The following CDC42BPG variants were observed in gnomAD, a reference collection of about 807,000 sequenced individuals.
CDC42BPG encodes serine/threonine-protein kinase MRCK gamma.
CDC42BPG carries 157 observed loss-of-function variants against 192.2 expected under a neutral mutation model. The observed-to-expected ratio is 0.82, with a 90% CI of 0.72 to 0.93. The LOEUF (loss-of-function observed/expected upper bound fraction) is 0.93. Ranked by LOEUF, CDC42BPG falls within the 40% of genes least tolerant of loss-of-function variation. The pLI is 0.00. For missense variants in CDC42BPG, 1,992 were observed against 2,122.1 expected, an observed-to-expected ratio of 0.94 and a Z score of 1.20; for synonymous variants, 981 against 918.5, an observed-to-expected ratio of 1.07 and a Z score of -1.23.
At position 64,834,885 on chromosome 11, in the gene CDC42BPG, C is replaced by T. The variant is rs1565684764; in HGVS notation, c.2139G>A (p.Arg713=). The T allele has an allele frequency of 1.9e-6, 3 of 1,614,052 alleles. No individual in the cohort carries two copies. The highest frequency in any genetic ancestry group is 2.5e-6 in the Non-Finnish European group (3 of 1,180,008). The change falls in exon 18 of 37, where the codon AGG becomes AGA. Residue 713 remains arginine (R), a synonymous_variant. Coordinates refer to ENST00000342711, the MANE Select transcript of CDC42BPG (RefSeq NM_017525.3). ...TKMAEELESL[R]NVGTQTLPAR... ...CAGGGAGCGTCTGGGTGCCTACGTT[C>T]CTCAAGGACTCCAGCTCCTCTGCCA...
At chr11:64,837,098 C>T in intron 9 of CDC42BPG, 79 bp from the exon 10 acceptor site, 1 of 1,244,828 alleles carries the variant, frequency 8.0e-7, no homozygotes, top group Non-Finnish European at 1.2e-6. Context: ...GACCGAATCA[C>T]TCATTAATTG....
In CDC42BPG at chr11:64,827,260, C is replaced by G; in HGVS notation, c.4271+18G>C. On this transcript the variant is annotated intron_variant, in intron 33 of 36. Transcript: ENST00000342711. ...GGCGGCCCCACCCAGCCTCAGCCCCCGCGTCGTGCACGCGCACCTGCGCTG... is the reference window on the plus strand; with the variant it reads ...GGCGGCCCCACCCAGCCTCAGCCCCGGCGTCGTGCACGCGCACCTGCGCTG... 2 of 1,613,328 alleles carry G rather than the reference C, an allele frequency of 1.2e-6. No individual in the cohort carries two copies. Among genetic ancestry groups the G allele is most frequent in the Non-Finnish European group, 1.7e-6 (2 of 1,179,706 alleles).
At chr11:64,826,849 G>A (rs547633009) in intron 34 of CDC42BPG, 55 bp from the exon 35 acceptor site, 116 of 1,460,554 alleles carry the variant, frequency 7.9e-5, no homozygotes, top group South Asian at 5.4e-4. Context: ...GAGGACAAGA[G>A]GCCCAAGGCA....
At chr11:64,843,212 A>G (rs35654492) in intron 1 of CDC42BPG, among the ~76,000 whole-genome samples, 39,126 of 151,822 alleles carry the variant, frequency 0.26, 5,387 homozygotes, top group East Asian at 0.52. Flanking sequence ...AATGAGTCAC[A>G]GCCCTTTGAG....
At chr11:64,827,954 C>G (rs1942512564) in intron 30 of CDC42BPG, among the ~76,000 whole-genome samples, 171 bp from the exon 31 acceptor site, 1 of 152,218 alleles carries the variant, frequency 6.6e-6, no homozygotes, top group South Asian at 2.1e-4. Context: ...CCCTGGACCA[C>G]TCACCACATG....
At position 64,836,719 on chromosome 11, in the gene CDC42BPG, G is replaced by GGGGGGGGGGGGGGAA. The variant is rs1943025878; in HGVS notation, c.1384+19_1384+20insTTCCCCCCCCCCCCC. On this transcript the variant is annotated intron_variant, in intron 11 of 36. Transcript: ENST00000342711. ...GGGACTCAGCCCTGGGGGGGGGGGG[G>GGGGGGGGGGGGGGAA]GGGTGGGCGGAAGGGATACCTGGCA... 8.3e-6 allele frequency: 7 copies of GGGGGGGGGGGGGGAA among 842,176 alleles called. No homozygotes were observed. Among genetic ancestry groups the GGGGGGGGGGGGGGAA allele is most frequent in the African/African-American group, 2.0e-5 (1 of 50,218 alleles). The allele number at this position is 842,176 out of a possible 1,614,324, so 52.2% of individuals were successfully genotyped here.
rs777122840 is a variant in CDC42BPG, at chr11:64,840,217, G to A, written c.484C>T (p.Arg162Cys). The A allele has an allele frequency of 3.1e-6, 5 of 1,613,022 alleles. No homozygotes were observed. The highest frequency in any genetic ancestry group is 3.3e-4 in the Middle Eastern group (2 of 6,084). Residue 162 changes from arginine to cysteine, a missense_variant, in exon 5 of 37, where the codon CGC becomes TGC. Transcript: ENST00000342711. Reference sequence around the variant, plus strand: ...TCGGGCGGGAGACGGTCCTCGAAGCGGCTCAGCAGCGTCAGGAGGTCCCCA... The same window carrying A: ...TCGGGCGGGAGACGGTCCTCGAAGCAGCTCAGCAGCGTCAGGAGGTCCCCA... ...AGGDLLTLLS[R>C]FEDRLPPELA...
intron 2 of CDC42BPG, 21 bp from the exon 3 acceptor site, chr11:64,841,754 G>C (rs375058580): frequency 9.3e-6 from 15 of 1,613,486 alleles, no homozygotes; most frequent in Non-Finnish European, 1.3e-5. Flanking sequence ...AGGGAGGACC[G>C]GGGTGAGCCC....
Position 64,841,674 on chromosome 11 carries a change from C to T in CDC42BPG, c.312G>A (p.Lys104=), listed in dbSNP as rs768381781. ...CCTCAGCCCTCTTCAGCATCTCCCA[C>T]TTGTGCAGCATTTTCATGGCAAAAA... ...GQIFAMKMLH[K]WEMLKRAETA... Residue 104 remains lysine, a synonymous_variant, in exon 3 of 37, where the codon AAG becomes AAA. Coordinates refer to ENST00000342711, the MANE Select transcript of CDC42BPG (RefSeq NM_017525.3). 7.4e-6 allele frequency: 12 copies of T among 1,613,634 alleles called. No individual in the cohort carries two copies. Among genetic ancestry groups the T allele is most frequent in the Middle Eastern group, 1.6e-4 (1 of 6,082 alleles).
intron 27 of CDC42BPG, 109 bp downstream of exon 27, chr11:64,832,319 G>A: frequency 8.9e-7 from 1 of 1,119,168 alleles, no homozygotes; most frequent in Non-Finnish European, 1.3e-6. Context: ...AGCGTGCTGT[G>A]GTTGTGGGCT....
chr11:64,832,793 T>G (rs767860408), intron 25 of CDC42BPG, 33 bp downstream of exon 25: 2 of 1,592,318 alleles, frequency 1.3e-6, no homozygotes, highest in African/African-American at 1.3e-5. Flanking sequence ...CAGCCCCCCA[T>G]GCCCATCTTC....
chr11:64,828,136 T>C (rs1455400581), intron 30 of CDC42BPG, among the ~76,000 whole-genome samples: 4 of 152,166 alleles, frequency 2.6e-5, no homozygotes, highest in African/African-American at 2.4e-5. Context: ...GATTTGGCCC[T>C]GGGCAGCTTG....
chr11:64,828,914 G>T (rs534792343), intron 30 of CDC42BPG, among the ~76,000 whole-genome samples: 4 of 152,256 alleles, frequency 2.6e-5, no homozygotes, highest in African/African-American at 9.6e-5. Flanking sequence ...GCTGGGTGTG[G>T]TGGCGTGCAC....
At position 64,829,856 on chromosome 11, in the gene CDC42BPG, C is replaced by G. The variant is rs1180260856; in HGVS notation, c.3582G>C (p.Val1194=). The G allele has an allele frequency of 6.2e-7, 1 of 1,607,854 alleles. No homozygotes were observed. Among genetic ancestry groups the G allele is most frequent in the Non-Finnish European group, 8.5e-7 (1 of 1,178,232 alleles). The change falls in exon 30 of 37, where the codon GTG becomes GTC. Residue 1194 remains valine, a synonymous_variant. Coordinates refer to ENST00000342711, the MANE Select transcript of CDC42BPG (RefSeq NM_017525.3). ...AGSILQARTP[V]LCVAVKRQVL... is the part of the protein sequence containing the mutation. ...CCTGGCGCTTGACGGCTACACAGAG[C>G]ACCGGGGTGCGGGCCTGCAGGATGC... is the stretch of plus-strand genomic sequence containing the variant.
At chr11:64,827,884 G>T in intron 30 of CDC42BPG, 101 bp from the exon 31 acceptor site, 1 of 1,013,020 alleles carries the variant, frequency 9.9e-7, no homozygotes, top group Non-Finnish European at 1.4e-6. Context: ...CCCACGCTAA[G>T]GTCCTTCCTC....
chr11:64,829,756 C>A lies in CDC42BPG; in HGVS notation c.3682G>T (p.Val1228Leu). 6.2e-7 allele frequency: 1 copy of A among 1,603,134 alleles called. No homozygotes were observed. Among genetic ancestry groups the A allele is most frequent in the Non-Finnish European group, 8.5e-7 (1 of 1,176,158 alleles). The change falls in exon 30 of 37, where the codon GTG becomes TTG. Residue 1228 changes from valine to leucine, a missense_variant. By Grantham distance (32) the Val-to-Leu change is conservative. Around this residue, in one of 2 missense-constraint regions of CDC42BPG, gnomAD observed 1,656 missense variants for 1,844.3 expected, o/e 0.90. Transcript: ENST00000342711. ...TCGCCCAGCAGCCCCAGGCTCTGCA[C>A]AGTGGCAGGTGCCTGCAGCTCACGG... is the stretch of plus-strand genomic sequence containing the variant. ...RIRELQAPATVQSLGLLGDRL... is the reference protein window; with the variant it reads ...RIRELQAPATLQSLGLLGDRL...
At position 64,824,428 on chromosome 11, in the gene CDC42BPG, C is replaced by T; in HGVS notation, c.*45G>A. 7.7e-7 allele frequency: 1 copy of T among 1,300,068 alleles called. No homozygotes were observed. Among genetic ancestry groups the T allele is most frequent in the Non-Finnish European group, 1.1e-6 (1 of 891,698 alleles). The allele number at this position is 1,300,068 out of a possible 1,614,324, so 80.5% of individuals were successfully genotyped here. The stretch of plus-strand genomic sequence containing the variant: ...GCATTCCTCAAGCTCTTTGCTCCCT[C>T]ATGTCCTTCTGCCCTGGGATTGGGG... On this transcript the variant is annotated 3_prime_UTR_variant, in exon 37 of 37. Coordinates refer to ENST00000342711, the MANE Select transcript of CDC42BPG (RefSeq NM_017525.3).
Position 64,832,464 on chromosome 11 carries a change from G to T in CDC42BPG, c.3051C>A (p.Ile1017=), listed in dbSNP as rs762505713. 3 of 1,614,006 alleles carry T rather than the reference G, an allele frequency of 1.9e-6. No individual in the cohort carries two copies. The Admixed American group carries it at 5.0e-5, about 27-fold the overall frequency. Residue 1017 remains isoleucine (I), a synonymous_variant, in exon 27 of 37, where the codon ATC becomes ATA. Transcript: ENST00000342711. ...GTGGCAGGTCCCTGGATTGGGCATGGATAACATCAGAGGCCAGGACAGGGG... is the reference window on the plus strand; with the variant it reads ...GTGGCAGGTCCCTGGATTGGGCATGTATAACATCAGAGGCCAGGACAGGGG... ...SATPVLASDV[I]HAQSRDLPRI...
Position 64,827,395 on chromosome 11 carries a change from TTCTCTGTGGGAGAAG to T in CDC42BPG, c.4151-12_4153del. The T allele has an allele frequency of 6.2e-7, 1 of 1,613,174 alleles. No individual in the cohort carries two copies. The highest frequency in any genetic ancestry group is 8.5e-7 in the Non-Finnish European group (1 of 1,179,144). On this transcript the variant is annotated splice_acceptor_variant and splice_polypyrimidine_tract_variant and coding_sequence_variant and intron_variant, in exon 33 of 37. Transcript: ENST00000342711. LOFTEE classifies it high-confidence loss of function. ...GAGGTCCGGGATGTCGAACTCGTCCTTCTCTGTGGGAGAAGTGGAGAGCTGGGCTGTGCTCACACA... is the reference window on the plus strand; with the variant it reads ...GAGGTCCGGGATGTCGAACTCGTCCTTGGAGAGCTGGGCTGTGCTCACACA...
Sources: allele counts gnomAD v4.1 joint callset (sites outside exome capture counted in the v4.1 genomes callset), GRCh38; gene constraint gnomAD v4.1.1; regional missense constraint gnomAD v4.1.1; transcripts MANE v1.5; gene names NCBI Gene and HGNC (gene_info 2026-07-23, HGNC 2026-07-21).